Variants in SLC38A1 observed in about 807,000 individuals in gnomAD.
SLC38A1 encodes the protein solute carrier family 38 member 1.
SLC38A1 carries 18 observed loss-of-function variants against 60.3 expected under a neutral mutation model. The ratio of observed to expected loss-of-function variants is 0.30; its 90% confidence interval spans 0.21 to 0.44. The LOEUF (loss-of-function observed/expected upper bound fraction) is 0.44, where lower values mean the gene tolerates loss of function less well. SLC38A1 is among the 20% of genes least tolerant of loss of function. The pLI is 1.00. For missense variants in SLC38A1, 448 were observed against 587.2 expected (o/e 0.76, Z 2.45); for synonymous variants, 196 against 212.1 (o/e 0.92, Z 0.66).
At chr12:46,217,878 C>T (rs1453140818) in intron 5 of SLC38A1, among the ~76,000 whole-genome samples, 2 of 152,144 alleles carry the variant, frequency 1.3e-5, no homozygotes, top group Non-Finnish European at 2.9e-5. Context: ...CATTTCTTTC[C>T]TTGTAGGTAA....
chr12:46,206,095 G>T lies in SLC38A1; in HGVS notation c.631C>A (p.Leu211Ile). Residue 211 changes from leucine (L) to isoleucine (I), a missense_variant, in exon 9 of 17, where the codon CTC (leucine) becomes ATC (isoleucine). By Grantham distance (5) the Leu-to-Ile change is conservative. Coordinates refer to ENST00000398637, the MANE Select transcript of SLC38A1 (RefSeq NM_030674.4). ...VTFGIILPLC[L>I]LKNLGYLGYT... The stretch of plus-strand genomic sequence containing the variant: ...CTGTCCTTACCTAAGTTCTTCAAGA[G>T]ACACAGAGGGAGAATTATGCCAAAG... 6.2e-7 allele frequency: 1 copy of T among 1,609,860 alleles called. No individual in the cohort carries two copies. The highest frequency in any genetic ancestry group is 8.5e-7 in the Non-Finnish European group (1 of 1,177,046).
chr12:46,263,835 A>G (rs1324097587), intron 1 of SLC38A1, among the ~76,000 whole-genome samples: 1 of 152,212 alleles, frequency 6.6e-6, no homozygotes, highest in East Asian at 1.9e-4. Flanking sequence ...GATGTCAACA[A>G]ATGGTTGGTT....
At position 46,207,314 on chromosome 12, in the gene SLC38A1, G is replaced by T. The variant is rs544424868; in HGVS notation, c.482-78C>A. ...AAGCTACATAAAAAGTTATCAGCCC[G>T]TTCTTAGACCAACTGTCAGTAAGAC... On this transcript the variant is annotated intron_variant, in intron 7 of 16. Coordinates refer to ENST00000398637, the MANE Select transcript of SLC38A1 (RefSeq NM_030674.4). 3 of 1,291,538 alleles carry T rather than the reference G, an allele frequency of 2.3e-6. No homozygotes were observed. The East Asian group carries it at 7.2e-5, about 31-fold the overall frequency. 80.0% of individuals were successfully genotyped at this position (1,291,538 alleles called of 1,614,324 possible).
intron 3 of SLC38A1, among the ~76,000 whole-genome samples, chr12:46,232,119 T>C (rs1462274116): frequency 6.6e-6 from 1 of 152,212 alleles, no homozygotes; most frequent in Admixed American, 6.5e-5. Flanking sequence ...AAACTTACTC[T>C]GGGATCATCA....
At chr12:46,263,179 GT>G (rs1942251030) in intron 1 of SLC38A1, among the ~76,000 whole-genome samples, 1 of 152,138 alleles carries the variant, frequency 6.6e-6, no homozygotes, top group Non-Finnish European at 1.5e-5. Flanking sequence ...TCCAAGCATG[GT>G]TATTTTAAAC....
chr12:46,239,941 T>C (rs1435595087), intron 2 of SLC38A1, 48 bp from the exon 3 acceptor site: 1 of 677,322 alleles, frequency 1.5e-6, no homozygotes, highest in Non-Finnish European at 2.4e-6. Flanking sequence ...GAAACGCTAC[T>C]GATTAAAAAT....
At chr12:46,255,086 C>T (rs546442755) in intron 1 of SLC38A1, 33 of 152,274 alleles carry the variant, frequency 2.2e-4, no homozygotes, top group African/African-American at 7.9e-4. Flanking sequence ...AGTTTTTCTT[C>T]TATTCTAATG....
At chr12:46,256,489 C>T (rs975695507) in intron 1 of SLC38A1, among the ~76,000 whole-genome samples, 2 of 152,038 alleles carry the variant, frequency 1.3e-5, no homozygotes, top group African/African-American at 2.4e-5. Flanking sequence ...GAATTCAACC[C>T]CGAACCCGGG....
intron 3 of SLC38A1, among the ~76,000 whole-genome samples, chr12:46,235,066 A>C (rs1941212434): frequency 6.6e-6 from 1 of 152,216 alleles, no homozygotes; most frequent in Non-Finnish European, 1.5e-5. Context: ...AAAACAAAAC[A>C]AACTCCACAA....
chr12:46,236,663 C>A lies in SLC38A1; in HGVS notation c.122+3016G>T, dbSNP rs564810352. 5.9e-5 allele frequency among the ~76,000 whole-genome samples: 9 copies of A among 152,240 alleles called. No homozygotes were observed. In the South Asian group the frequency reaches 1.9e-3, roughly 32 times the overall value. On this transcript the variant is annotated intron_variant, in intron 3 of 16. Coordinates refer to ENST00000398637, the MANE Select transcript of SLC38A1 (RefSeq NM_030674.4). ...ATAGGCAGTCCACCCTGCCTAGACA[C>A]TAGGATAGGCAGAAGGAATATAAAG...
chr12:46,201,064 T>C lies in SLC38A1; in HGVS notation c.1003+34A>G, dbSNP rs115735162. On this transcript the variant is annotated intron_variant, in intron 13 of 16. Transcript: ENST00000398637. ...TAATTTTTACTAATTTGTTTACAAA[T>C]ATTTATATTTATGTACCAGTAGAAA... 6.1e-4 allele frequency: 860 copies of C among 1,404,166 alleles called. 9 individuals are homozygous for C. The African/African-American group carries it at 0.01, about 16-fold the overall frequency. The allele number at this position is 1,404,166 out of a possible 1,614,324, so 87.0% of individuals were successfully genotyped here.
intron 12 of SLC38A1, 75 bp from the exon 13 acceptor site, chr12:46,201,273 C>G: frequency 1.7e-6 from 2 of 1,210,168 alleles, no homozygotes; most frequent in Non-Finnish European, 2.4e-6. Context: ...TTGAAGAATA[C>G]TAATTTAACT....
intron 1 of SLC38A1, among the ~76,000 whole-genome samples, chr12:46,254,269 G>A (rs1165997249): frequency 6.6e-6 from 1 of 152,034 alleles, no homozygotes; most frequent in Non-Finnish European, 1.5e-5. Flanking sequence ...TTGGTTCACA[G>A]GAATAAATTG....
At chr12:46,217,451 T>C (rs1565768983) in intron 5 of SLC38A1, among the ~76,000 whole-genome samples, 1 of 152,262 alleles carries the variant, frequency 6.6e-6, no homozygotes, top group East Asian at 1.9e-4. Flanking sequence ...GTGTTTTCTT[T>C]ATACTTTATT....
At chr12:46,252,428 T>C (rs1450695778) in intron 1 of SLC38A1, among the ~76,000 whole-genome samples, 4 of 152,112 alleles carry the variant, frequency 2.6e-5, no homozygotes, top group Non-Finnish European at 5.9e-5. Flanking sequence ...ATGGCACATG[T>C]ATATATATGT....
intron 3 of SLC38A1, among the ~76,000 whole-genome samples, chr12:46,237,972 T>C (rs1219757005): frequency 6.6e-6 from 1 of 151,838 alleles, no homozygotes; most frequent in African/African-American, 2.4e-5. Context: ...CCAAGCATTA[T>C]AACCAGAGGG....
chr12:46,260,907 GAC>G (rs1461642735), intron 1 of SLC38A1, among the ~76,000 whole-genome samples: 1 of 152,126 alleles, frequency 6.6e-6, no homozygotes, highest in Non-Finnish European at 1.5e-5. Flanking sequence ...TTCCTGAAAA[GAC>G]AGTCTTGCAC....
intron 1 of SLC38A1, among the ~76,000 whole-genome samples, chr12:46,246,027 T>C (rs534768434): frequency 6.6e-6 from 1 of 152,316 alleles, no homozygotes; most frequent in South Asian, 2.1e-4. Context: ...TTGATCTCTG[T>C]CACGGTCCGT....
chr12:46,216,729 G>A (rs993837980), intron 5 of SLC38A1, among the ~76,000 whole-genome samples: 2 of 152,102 alleles, frequency 1.3e-5, no homozygotes, highest in African/African-American at 4.8e-5. Flanking sequence ...GCATAGCGGC[G>A]TATGCCTGTG....
Sources: allele counts gnomAD v4.1 joint callset (sites outside exome capture counted in the v4.1 genomes callset), GRCh38; gene constraint gnomAD v4.1.1; transcripts MANE v1.5; gene names NCBI Gene and HGNC (gene_info 2026-07-23, HGNC 2026-07-21).